GOLGA1: variants seen among roughly 807,000 people sequenced by gnomAD.
GOLGA1 encodes golgin A1.
GOLGA1 carries 63 observed loss-of-function variants against 119.7 expected under a neutral mutation model. The observed-to-expected ratio is 0.53, with a 90% CI of 0.43 to 0.65. GOLGA1 has a LOEUF of 0.65. GOLGA1 is among the 30% of genes least tolerant of loss of function. The probability of loss-of-function intolerance (pLI) is 0.00; values close to 1 mark genes in which losing one functional copy is unlikely to be tolerated. For synonymous variants in GOLGA1, 318 were observed against 333.4 expected (o/e 0.95, Z 0.50); for missense variants, 798 against 912.8 (o/e 0.87, Z 1.62).
chr9:124,922,828 G>A (rs1228072074), intron 8 of GOLGA1, among the ~76,000 whole-genome samples: 1 of 151,126 alleles, frequency 6.6e-6, no homozygotes, highest in African/African-American at 2.4e-5. Context: ...ATTTTTGTGG[G>A]CTTATAAGAG....
upstream of GOLGA1, chr9:124,944,653 A>G (rs1281717381): frequency 3.3e-5 from 5 of 152,076 alleles, no homozygotes; most frequent in African/African-American, 1.2e-4. Flanking sequence ...AATTAGTAGC[A>G]TGCTTCTTTA....
intron 6 of GOLGA1, among the ~76,000 whole-genome samples, chr9:124,927,375 C>A (rs80035234): frequency 0.011 from 1,722 of 152,246 alleles, 89 homozygotes; most frequent in Admixed American, 0.083. Flanking sequence ...ATTATTTCTT[C>A]ATTTATATAC....
In GOLGA1 at chr9:124,889,214, C is replaced by CGACCACTGCAGCCTCCTCCGCCTTGAG; in HGVS notation, c.1663_1689dup (p.Leu555_Val563dup). 1 of 1,613,190 alleles carries CGACCACTGCAGCCTCCTCCGCCTTGAG rather than the reference C, an allele frequency of 6.2e-7. No individual in the cohort carries two copies. The highest frequency in any genetic ancestry group is 8.5e-7 in the Non-Finnish European group (1 of 1,179,888). On this transcript the variant is annotated inframe_insertion, in exon 18 of 23. Transcript: ENST00000373555. ...AGCCTCAGCAGGTCCTCCTGCTCCG[C>CGACCACTGCAGCCTCCTCCGCCTTGAG]GACCACTGCAGCCTCCTCCGCCTTG... is the stretch of plus-strand genomic sequence containing the variant.
intron 12 of GOLGA1, among the ~76,000 whole-genome samples, chr9:124,905,509 C>T (rs1227104893): frequency 6.6e-6 from 1 of 152,044 alleles, no homozygotes; most frequent in Non-Finnish European, 1.5e-5. Context: ...GCAAATGTTA[C>T]ACCAAATAAT....
intron 10 of GOLGA1, among the ~76,000 whole-genome samples, chr9:124,916,463 G>A (rs970442807): frequency 4.6e-5 from 7 of 151,946 alleles, no homozygotes; most frequent in African/African-American, 1.7e-4. Context: ...GAAATACAAT[G>A]CCAAAACATT....
At chr9:124,923,384 G>A (rs956058970) in intron 7 of GOLGA1, among the ~76,000 whole-genome samples, 161 bp from the exon 8 acceptor site, 2 of 151,980 alleles carry the variant, frequency 1.3e-5, no homozygotes, top group African/African-American at 2.4e-5. Flanking sequence ...CAATCCTCCC[G>A]CCTTGGCCTC....
intron 7 of GOLGA1, 59 bp from the exon 8 acceptor site, chr9:124,923,282 G>T: frequency 7.2e-7 from 1 of 1,384,844 alleles, no homozygotes; most frequent in Non-Finnish European, 9.9e-7. Context: ...TCTGTATTAC[G>T]AAAGTGAAAA....
rs1829501046 is a variant in GOLGA1, at chr9:124,878,698, G to A, written c.*1832C>T. ...CAGCTACACCTGAAACTGCCGAGGAGTGGGGCCTGGGGTGCGTGTGGGACC... is the reference window on the plus strand; with the variant it reads ...CAGCTACACCTGAAACTGCCGAGGAATGGGGCCTGGGGTGCGTGTGGGACC... On this transcript the variant is annotated 3_prime_UTR_variant, in exon 23 of 23. Coordinates refer to ENST00000373555, the MANE Select transcript of GOLGA1 (RefSeq NM_002077.4). The A allele has an allele frequency of 6.6e-6, 1 of 151,554 alleles. No individual in the cohort carries two copies. Among genetic ancestry groups the A allele is most frequent in the African/African-American group, 2.5e-5 (1 of 40,742 alleles). The allele number at this position is 151,554 out of a possible 1,614,324, so 9.4% of individuals were successfully genotyped here.
At chr9:124,885,775 C>T (rs1310250050) in intron 19 of GOLGA1, among the ~76,000 whole-genome samples, 1 of 152,076 alleles carries the variant, frequency 6.6e-6, no homozygotes, top group African/African-American at 2.4e-5. Context: ...TGAGGGGCCA[C>T]ACCACACAGG....
Position 124,902,556 on chromosome 9 carries a change from G to A in GOLGA1, c.1066-2009C>T, listed in dbSNP as rs141253249. ...GGCTTGAGTGCAGTGGCGCGATCTC[G>A]GCTCACTGAAAGCTCCGCCGCCTCC... On this transcript the variant is annotated intron_variant, in intron 12 of 22. Coordinates refer to ENST00000373555, the MANE Select transcript of GOLGA1 (RefSeq NM_002077.4). 6.4e-3 allele frequency among the ~76,000 whole-genome samples: 975 copies of A among 151,380 alleles called. 13 individuals are homozygous for A. The highest frequency in any genetic ancestry group is 0.022 in the African/African-American group (910 of 41,208).
At chr9:124,935,948 G>A (rs1421837912) in intron 3 of GOLGA1, among the ~76,000 whole-genome samples, 1 of 152,124 alleles carries the variant, frequency 6.6e-6, no homozygotes, top group African/African-American at 2.4e-5. Context: ...TAGAATTTGA[G>A]ATGCCACAGA....
intron 4 of GOLGA1, 33 bp downstream of exon 4, chr9:124,931,283 T>C (rs543627075): frequency 1.4e-5 from 14 of 989,232 alleles, no homozygotes; most frequent in Non-Finnish European, 2.3e-5. Flanking sequence ...GCAAGTTTCC[T>C]GTTGTTTGCT....
chr9:124,892,247 G>A (rs1226234170), intron 15 of GOLGA1, among the ~76,000 whole-genome samples: 2 of 152,098 alleles, frequency 1.3e-5, no homozygotes, highest in African/African-American at 4.8e-5. Context: ...GAGCCACCAC[G>A]CCGGGCCCAT....
chr9:124,889,651 C>A (rs1164897301), intron 16 of GOLGA1, 115 bp from the exon 17 acceptor site: 1 of 762,580 alleles, frequency 1.3e-6, no homozygotes, highest in Non-Finnish European at 2.4e-6. Context: ...CTGAAGTCCA[C>A]GACCCAGAGC....
rs575048116 is a variant in GOLGA1 at position 124,907,417 on chromosome 9, G to C, written c.1065+960C>G. ...AAAAACAGTAGATCTCTGTGACTTA[G>C]GAACAGGAATAGATTTTCTAAATGG... is the stretch of plus-strand genomic sequence containing the variant. On this transcript the variant is annotated intron_variant, in intron 12 of 22. Transcript: ENST00000373555. Among the ~76,000 whole-genome samples the C allele has an allele frequency of 6.6e-5, 10 of 152,268 alleles. 1 individual carries two copies. Among genetic ancestry groups the C allele is most frequent in the African/African-American group, 2.4e-4 (10 of 41,550 alleles).
Position 124,926,689 on chromosome 9 carries a change from A to G in GOLGA1, c.432+20T>C. ...GAGACGAGACCAACAAAAATGAGAC[A>G]AAAATAAAGATGAACTAACCTTTTC... On this transcript the variant is annotated intron_variant, in intron 7 of 22. Coordinates refer to ENST00000373555, the MANE Select transcript of GOLGA1 (RefSeq NM_002077.4). 6.5e-7 allele frequency: 1 copy of G among 1,538,738 alleles called. No individual in the cohort carries two copies. The highest frequency in any genetic ancestry group is 9.0e-7 in the Non-Finnish European group (1 of 1,111,524).
At chr9:124,907,074 G>T (rs1466484258) in intron 12 of GOLGA1, among the ~76,000 whole-genome samples, 1 of 151,828 alleles carries the variant, frequency 6.6e-6, no homozygotes, top group Non-Finnish European at 1.5e-5. Flanking sequence ...AAAAAAAAGA[G>T]AATTTGTCTT....
chr9:124,904,777 C>CA (rs1445803832), intron 12 of GOLGA1, among the ~76,000 whole-genome samples: 1 of 151,246 alleles, frequency 6.6e-6, no homozygotes, highest in Non-Finnish European at 1.5e-5. Context: ...TTGTCTCTAC[C>CA]AAAAATACAA....
intron 15 of GOLGA1, among the ~76,000 whole-genome samples, chr9:124,894,400 G>C (rs1296098625): frequency 6.6e-6 from 1 of 152,042 alleles, no homozygotes; most frequent in Non-Finnish European, 1.5e-5. Context: ...GTGTGTGTGT[G>C]TGTGTGTGTG....
Sources: allele counts gnomAD v4.1 joint callset (sites outside exome capture counted in the v4.1 genomes callset), GRCh38; gene constraint gnomAD v4.1.1; transcripts MANE v1.5; gene names NCBI Gene and HGNC (gene_info 2026-07-23, HGNC 2026-07-21).